Variants in TRIM44 observed in about 807,000 individuals in gnomAD.
TRIM44 encodes the protein tripartite motif containing 44.
TRIM44 carries 13 observed loss-of-function variants against 37.4 expected under a neutral mutation model. The ratio of observed to expected loss-of-function variants is 0.35; its 90% confidence interval spans 0.23 to 0.55. The LOEUF is 0.55. Among genes scored for constraint, TRIM44 ranks in the 20% least tolerant of loss-of-function variants. TRIM44 has a pLI of 0.89. For synonymous variants in TRIM44, 175 were observed against 157.2 expected (o/e 1.11, Z -0.85); for missense variants, 426 against 437.2 (o/e 0.97, Z 0.23).
intron 4 of TRIM44, among the ~76,000 whole-genome samples, chr11:35,743,276 G>A (rs1396917920): frequency 6.6e-6 from 1 of 152,150 alleles, no homozygotes; most frequent in Non-Finnish European, 1.5e-5. Context: ...AGGGTGAAGT[G>A]TACCATGTTG....
chr11:35,753,044 GTT>G (rs1852578153), intron 4 of TRIM44, among the ~76,000 whole-genome samples: 1 of 152,134 alleles, frequency 6.6e-6, no homozygotes, highest in South Asian at 2.1e-4. Context: ...TGCAAACCCT[GTT>G]TTCTAAGTGC....
chr11:35,700,162 C>T (rs1851766577), intron 2 of TRIM44, among the ~76,000 whole-genome samples: 1 of 152,112 alleles, frequency 6.6e-6, no homozygotes, highest in Admixed American at 6.6e-5. Context: ...CCTTTTATAG[C>T]CCTTTACTAA....
At chr11:35,768,544 C>G (rs1263854364) in intron 4 of TRIM44, among the ~76,000 whole-genome samples, 1 of 152,120 alleles carries the variant, frequency 6.6e-6, no homozygotes, top group Non-Finnish European at 1.5e-5. Flanking sequence ...CTGAAGGATT[C>G]AAGGGGATCC....
At chr11:35,788,115 G>A (rs1389670092) in intron 4 of TRIM44, among the ~76,000 whole-genome samples, 2 of 152,124 alleles carry the variant, frequency 1.3e-5, no homozygotes, top group Admixed American at 6.5e-5. Context: ...GTTCCCCTTG[G>A]TCCTACAAGC....
intron 4 of TRIM44, among the ~76,000 whole-genome samples, chr11:35,735,990 T>G (rs1337156458): frequency 6.6e-6 from 1 of 152,156 alleles, no homozygotes; most frequent in African/African-American, 2.4e-5. Flanking sequence ...GAAGTGCATT[T>G]TATTATTGTC....
chr11:35,672,749 G>T (rs11033228), intron 1 of TRIM44, among the ~76,000 whole-genome samples: 1 of 152,130 alleles, frequency 6.6e-6, no homozygotes, highest in East Asian at 1.9e-4. Flanking sequence ...CATAGAAGAA[G>T]CTCTGACAGG....
rs1853524306 is a variant in TRIM44, at chr11:35,811,210, G to T, written c.*4825G>T. On this transcript the variant is annotated 3_prime_UTR_variant, in exon 5 of 5. Transcript: ENST00000299413. ...GACTTTTCCACAGTGCCTTAGGAGA[G>T]AGCTCTGGGAAGTGGCAAAAGAACA... The T allele has an allele frequency of 6.6e-6, 1 of 152,144 alleles. No homozygotes were observed. Among genetic ancestry groups the T allele is most frequent in the Admixed American group, 6.5e-5 (1 of 15,268 alleles). 9.4% of individuals were successfully genotyped at this position (152,144 alleles called of 1,614,324 possible).
intron 4 of TRIM44, among the ~76,000 whole-genome samples, chr11:35,747,509 T>C (rs1474106151): frequency 6.6e-6 from 1 of 152,228 alleles, no homozygotes. Flanking sequence ...AGATGGAAGA[T>C]TCATATCTTC....
intron 4 of TRIM44, among the ~76,000 whole-genome samples, chr11:35,768,951 G>A (rs1852831029): frequency 6.6e-6 from 1 of 152,108 alleles, no homozygotes; most frequent in Non-Finnish European, 1.5e-5. Context: ...ATAAATTCCT[G>A]ACAAACATTT....
intron 4 of TRIM44, among the ~76,000 whole-genome samples, chr11:35,795,293 T>C (rs1853266732): frequency 6.6e-6 from 1 of 152,178 alleles, no homozygotes; most frequent in African/African-American, 2.4e-5. Flanking sequence ...ATATAATCTA[T>C]TGCACATTTT....
intron 4 of TRIM44, among the ~76,000 whole-genome samples, chr11:35,768,610 GA>G (rs1429143299): frequency 6.6e-6 from 1 of 152,124 alleles, no homozygotes; most frequent in Non-Finnish European, 1.5e-5. Context: ...AACTTTAATG[GA>G]AAATCTTATA....
chr11:35,802,469 T>TAC (rs1853383374), intron 4 of TRIM44, among the ~76,000 whole-genome samples: 1 of 152,134 alleles, frequency 6.6e-6, no homozygotes, highest in African/African-American at 2.4e-5. Flanking sequence ...ACAAGAACCT[T>TAC]ACAGAGCACA....
intron 1 of TRIM44, among the ~76,000 whole-genome samples, chr11:35,665,160 C>T (rs1186026465): frequency 6.6e-6 from 1 of 151,302 alleles, no homozygotes; most frequent in Non-Finnish European, 1.5e-5. Flanking sequence ...GGTTTGGGAG[C>T]GTCGGGCTGT....
At chr11:35,675,635 C>T (rs1409414761) in intron 1 of TRIM44, among the ~76,000 whole-genome samples, 2 of 152,150 alleles carry the variant, frequency 1.3e-5, no homozygotes, top group Non-Finnish European at 2.9e-5. Flanking sequence ...GATTCTCCTG[C>T]CTCAGCCTCC....
chr11:35,756,141 G>A (rs1852635224), intron 4 of TRIM44, among the ~76,000 whole-genome samples: 2 of 152,192 alleles, frequency 1.3e-5, no homozygotes, highest in African/African-American at 4.8e-5. Context: ...GCATGAGCAT[G>A]GAATGTTCTT....
At chr11:35,716,254 A>C (rs537997152) in intron 2 of TRIM44, among the ~76,000 whole-genome samples, 8 of 152,278 alleles carry the variant, frequency 5.3e-5, no homozygotes, top group African/African-American at 1.9e-4. Context: ...AAGAGACAGA[A>C]AGCTGATCAA....
At chr11:35,698,140 G>A (rs1210642326) in intron 2 of TRIM44, among the ~76,000 whole-genome samples, 1 of 148,400 alleles carries the variant, frequency 6.7e-6, no homozygotes, top group Non-Finnish European at 1.5e-5. Flanking sequence ...TTTAATGATC[G>A]CCATTCTAAC....
rs1360290488 is a variant in TRIM44 at position 35,812,945 on chromosome 11, T to C, written c.*6560T>C. 6.6e-6 allele frequency: 1 copy of C among 152,202 alleles called. No homozygotes were observed. Among genetic ancestry groups the C allele is most frequent in the African/African-American group, 2.4e-5 (1 of 41,450 alleles). The allele number at this position is 152,202 out of a possible 1,614,324, so 9.4% of individuals were successfully genotyped here. A position where few individuals can be genotyped will look rare whatever the true frequency, so the allele number is the denominator to read the frequency against. ...AGAAAATCAACGAGAGGCAAAACCA[T>C]GTCTTCTTTTGCTATAGCGTTAGAA... On this transcript the variant is annotated 3_prime_UTR_variant, in exon 5 of 5. Coordinates refer to ENST00000299413, the MANE Select transcript of TRIM44 (RefSeq NM_017583.6).
rs1851943275 is a variant in TRIM44 at position 35,709,802 on chromosome 11, A to G, written c.748-16122A>G. Among the ~76,000 whole-genome samples the G allele has an allele frequency of 3.3e-5, 5 of 152,214 alleles. No individual in the cohort carries two copies. In the South Asian group the frequency reaches 1.0e-3, roughly 32 times the overall value. ...CGTTAGAAGCTATACTTCAGACCCC[A>G]CTTCTGACACCATTTGTTTAAACAA... On this transcript the variant is annotated intron_variant, in intron 2 of 4. Coordinates refer to ENST00000299413, the MANE Select transcript of TRIM44 (RefSeq NM_017583.6).
Sources: allele counts gnomAD v4.1 joint callset (sites outside exome capture counted in the v4.1 genomes callset), GRCh38; gene constraint gnomAD v4.1.1; transcripts MANE v1.5; gene names NCBI Gene and HGNC (gene_info 2026-07-23, HGNC 2026-07-21).